TRIO: variants seen among roughly 807,000 people sequenced by gnomAD.
TRIO encodes the protein triple functional domain protein.
In TRIO, 58 loss-of-function variants were observed where a neutral mutation model predicts 351.9. The ratio of observed to expected loss-of-function variants is 0.16; its 90% CI spans 0.13 to 0.21. The LOEUF is 0.21. TRIO is among the 10% of genes least tolerant of loss of function. The probability of loss-of-function intolerance (pLI) is 1.00; values close to 1 mark genes in which losing one functional copy is unlikely to be tolerated. For missense variants in TRIO, 3,201 were observed against 4,027.8 expected (o/e 0.79, Z 5.56); for synonymous variants, 1,758 against 1,595.7 (o/e 1.10, Z -2.42).
chr5:14,288,344 CA>C (rs1005348468), intron 4 of TRIO, among the ~76,000 whole-genome samples: 1 of 152,152 alleles, frequency 6.6e-6, no homozygotes, highest in African/African-American at 2.4e-5. Flanking sequence ...TCTCTCTCCC[CA>C]CCCAGTGATT....
intron 1 of TRIO, among the ~76,000 whole-genome samples, chr5:14,220,825 A>G (rs576743894): frequency 6.6e-6 from 1 of 152,254 alleles, no homozygotes; most frequent in Non-Finnish European, 1.5e-5. Context: ...AGCCATCTCC[A>G]TAACAAAAGT....
At position 14,488,099 on chromosome 5, in the gene TRIO, G is replaced by T. The variant is rs770576249; in HGVS notation, c.7471G>T (p.Ala2491Ser). The T allele has an allele frequency of 3.7e-6, 6 of 1,608,896 alleles. No homozygotes were observed. The highest frequency in any genetic ancestry group is 5.1e-6 in the Non-Finnish European group (6 of 1,178,802). The change falls in exon 48 of 57, where the codon GCC becomes TCC. Residue 2491 changes from alanine (A) to serine (S), a missense_variant. Coordinates refer to ENST00000344204, the MANE Select transcript of TRIO (RefSeq NM_007118.4). Reference sequence around the variant, plus strand: ...GGGCTCCTTCTGGAGCTCCATCCCCGCCTCCCCCGCCAGCCGACCCGGCTC... The same window carrying T: ...GGGCTCCTTCTGGAGCTCCATCCCCTCCTCCCCCGCCAGCCGACCCGGCTC... The part of the protein sequence containing the change: ...KGGSFWSSIP[A>S]SPASRPGSFT...
chr5:14,404,611 A>G (rs948643412), intron 31 of TRIO, among the ~76,000 whole-genome samples: 2 of 152,118 alleles, frequency 1.3e-5, no homozygotes, highest in Non-Finnish European at 2.9e-5. Flanking sequence ...AGTTTTTAGA[A>G]AAGTTTCTTC....
intron 34 of TRIO, among the ~76,000 whole-genome samples, chr5:14,435,757 G>A (rs1751531292): frequency 6.6e-6 from 1 of 152,120 alleles, no homozygotes; most frequent in Admixed American, 6.5e-5. Flanking sequence ...TGTTCCAGCT[G>A]TGGCTATCAG....
rs145695329 is a variant in TRIO at position 14,461,810 on chromosome 5, A to T, written c.5496+499A>T. On this transcript the variant is annotated intron_variant, in intron 35 of 56. Transcript: ENST00000344204. Reference sequence around the variant, plus strand: ...CAATTGTTTTTCCCCAATATTTATTATACTTACAGCTTGTCTTGAGTAGAA... The same window carrying T: ...CAATTGTTTTTCCCCAATATTTATTTTACTTACAGCTTGTCTTGAGTAGAA... 7.9e-5 allele frequency among the ~76,000 whole-genome samples: 12 copies of T among 152,366 alleles called. No homozygotes were observed. The East Asian group carries it at 2.3e-3, about 29-fold the overall frequency.
intron 4 of TRIO, among the ~76,000 whole-genome samples, chr5:14,288,426 T>C (rs1411272474): frequency 1.3e-5 from 2 of 152,130 alleles, no homozygotes; most frequent in Non-Finnish European, 2.9e-5. Context: ...CCTAGCACTT[T>C]GGGAGGCCGA....
At chr5:14,239,581 C>A (rs1794004038) in intron 1 of TRIO, among the ~76,000 whole-genome samples, 1 of 152,192 alleles carries the variant, frequency 6.6e-6, no homozygotes, top group South Asian at 2.1e-4. Context: ...GATGCTGCTG[C>A]CCCACTTTAC....
chr5:14,198,164 A>C (rs1347222961), intron 1 of TRIO, among the ~76,000 whole-genome samples: 1 of 152,198 alleles, frequency 6.6e-6, no homozygotes, highest in Non-Finnish European at 1.5e-5. Context: ...AGGTTTTTGA[A>C]ATATATAGAG....
chr5:14,281,774 C>T (rs1240786487), intron 3 of TRIO, among the ~76,000 whole-genome samples: 1 of 152,048 alleles, frequency 6.6e-6, no homozygotes, highest in Non-Finnish European at 1.5e-5. Flanking sequence ...TCCTAAGAGA[C>T]TAAATGAGGA....
At chr5:14,407,383 T>G (rs1228308652) in intron 33 of TRIO, among the ~76,000 whole-genome samples, 1 of 152,106 alleles carries the variant, frequency 6.6e-6, no homozygotes, top group Non-Finnish European at 1.5e-5. Flanking sequence ...CTTAGAGAAA[T>G]GGTCACCAGA....
intron 34 of TRIO, among the ~76,000 whole-genome samples, chr5:14,423,075 T>C: frequency 6.6e-6 from 1 of 152,262 alleles, no homozygotes; most frequent in East Asian, 1.9e-4. Flanking sequence ...TTGCTCTGGC[T>C]GTCCTTCCTC....
intron 1 of TRIO, among the ~76,000 whole-genome samples, chr5:14,266,222 C>A (rs527891073): frequency 1.7e-4 from 26 of 152,186 alleles, no homozygotes; most frequent in South Asian, 6.2e-4. Context: ...CTGCTCCTGG[C>A]TAATATTTTT....
chr5:14,369,690 C>A (rs553372217), intron 18 of TRIO, among the ~76,000 whole-genome samples, 167 bp downstream of exon 18: 7 of 152,198 alleles, frequency 4.6e-5, no homozygotes, highest in Non-Finnish European at 7.3e-5. Flanking sequence ...AGAAAGAAAA[C>A]CTTAAAATCC....
intron 10 of TRIO, among the ~76,000 whole-genome samples, chr5:14,333,290 T>A (rs1741080011): frequency 6.6e-6 from 1 of 152,204 alleles, no homozygotes; most frequent in Admixed American, 6.5e-5. Context: ...CCACTGTTAG[T>A]TAGCGTTTGT....
At chr5:14,452,707 A>C (rs1034067704) in intron 34 of TRIO, among the ~76,000 whole-genome samples, 1 of 152,202 alleles carries the variant, frequency 6.6e-6, no homozygotes, top group Non-Finnish European at 1.5e-5. Context: ...AACCTTTTCA[A>C]ATTCAGAGGC....
At chr5:14,456,344 G>A (rs1753305880) in intron 34 of TRIO, among the ~76,000 whole-genome samples, 1 of 152,374 alleles carries the variant, frequency 6.6e-6, no homozygotes, top group East Asian at 1.9e-4. Flanking sequence ...GGGCTGAAGG[G>A]CTCCTCAAGC....
At chr5:14,479,847 C>G (rs902918077) in intron 42 of TRIO, 72 bp from the exon 43 acceptor site, 9 of 1,379,868 alleles carry the variant, frequency 6.5e-6, no homozygotes, top group African/African-American at 1.4e-5. Flanking sequence ...GTCTTTCTGA[C>G]AATTACAAAG....
At chr5:14,380,263 G>GCC (rs1434891571) in intron 20 of TRIO, among the ~76,000 whole-genome samples, 1 of 28,156 alleles carries the variant, frequency 3.6e-5, no homozygotes, top group Non-Finnish European at 7.3e-5. Context: ...CCTCTTCCCG[G>GCC]CGCCCCGCCT....
chr5:14,258,947 C>A (rs1410221704), intron 1 of TRIO, among the ~76,000 whole-genome samples: 2 of 152,210 alleles, frequency 1.3e-5, no homozygotes, highest in Non-Finnish European at 2.9e-5. Flanking sequence ...GATGCGCAGT[C>A]CTCTGAGCCT....
Sources: allele counts gnomAD v4.1 joint callset (sites outside exome capture counted in the v4.1 genomes callset), GRCh38; gene constraint gnomAD v4.1.1; transcripts MANE v1.5; gene names NCBI Gene and HGNC (gene_info 2026-07-23, HGNC 2026-07-21).